The following SIDT2 variants were observed in gnomAD, a reference collection of about 807,000 sequenced individuals.
The protein encoded by SIDT2 is SID1 transmembrane family, member 2.
A neutral mutation model predicts 114.4 loss-of-function variants in SIDT2; 68 were observed. The ratio of observed to expected loss-of-function variants is 0.59; its 90% CI spans 0.49 to 0.73. The LOEUF is 0.73. Among genes scored for constraint, SIDT2 ranks in the 30% least tolerant of loss-of-function variants. The pLI is 0.00. For synonymous variants in SIDT2, 470 were observed against 438.4 expected (o/e 1.07, Z -0.90); for missense variants, 918 against 1,097.1 (o/e 0.84, Z 2.31).
At chr11:117,180,488 T>C (rs1056901764) in intron 1 of SIDT2, among the ~76,000 whole-genome samples, 1 of 152,088 alleles carries the variant, frequency 6.6e-6, no homozygotes, top group African/African-American at 2.4e-5. Flanking sequence ...TCCCATTGTT[T>C]ATATATGTTC....
In SIDT2 at chr11:117,181,885, G is replaced by C; in HGVS notation, c.384G>C (p.Gln128His). 1 of 1,614,210 alleles carries C rather than the reference G, an allele frequency of 6.2e-7. No homozygotes were observed. Among genetic ancestry groups the C allele is most frequent in the Admixed American group, 1.7e-5 (1 of 60,024 alleles). Residue 128 changes from glutamine (Q) to histidine (H), a missense_variant, in exon 3 of 26, where the codon CAG (glutamine) becomes CAC (histidine). By Grantham distance (24) the Gln-to-His change is conservative. Transcript: ENST00000324225. ...CCACCAAGAATGAGTCGGAGATTCA[G>C]TTCTTCTACGTGGATGTGTCCACCC... ...QPPTKNESEI[Q>H]FFYVDVSTLS...
intron 8 of SIDT2, among the ~76,000 whole-genome samples, chr11:117,185,447 G>A (rs879296928): frequency 6.6e-6 from 1 of 152,142 alleles, no homozygotes; most frequent in African/African-American, 2.4e-5. Flanking sequence ...TGGTGGGGGC[G>A]GGGTCCTGTC....
At position 117,192,782 on chromosome 11, in the gene SIDT2, C is replaced by G. The variant is rs763727101; in HGVS notation, c.2059-38C>G. 11 of 1,613,452 alleles carry G rather than the reference C, an allele frequency of 6.8e-6. No individual in the cohort carries two copies. In the South Asian group the frequency reaches 1.2e-4, roughly 18 times the overall value. ...GGGCCTTCTTCCACCACCCTCCCTG[C>G]CCCTGCCCTCAGTCCCTGTGTCCCT... On this transcript the variant is annotated intron_variant, in intron 21 of 25. Coordinates refer to ENST00000324225, the MANE Select transcript of SIDT2 (RefSeq NM_001040455.2). The surrounding 1 kb of genome is among the most constrained non-coding windows in gnomAD (Gnocchi z 5.9).
Position 117,190,285 on chromosome 11 carries a change from C to G in SIDT2, c.1613C>G (p.Ala538Gly). Residue 538 changes from alanine to glycine, a missense_variant, in exon 17 of 26, where the codon GCC becomes GGC. Ala to Gly is a moderately conservative substitution (Grantham distance 60). Transcript: ENST00000324225. The surrounding 1 kb of genome is among the most constrained non-coding windows in gnomAD (Gnocchi z 4.1). ...GCCCTGCTGCGCAATGACCTCTGTG[C>G]CCTGGTAAGGGAGCACCTGCCTGCC... ...NRALLRNDLC[A>G]LECGIPKHFG... The G allele has an allele frequency of 2.0e-6, 3 of 1,537,602 alleles. No homozygotes were observed. Among genetic ancestry groups the G allele is most frequent in the Non-Finnish European group, 2.6e-6 (3 of 1,143,888 alleles).
At chr11:117,187,347 A>G in intron 10 of SIDT2, 31 bp from the exon 11 acceptor site, 1 of 1,604,560 alleles carries the variant, frequency 6.2e-7, no homozygotes, top group Non-Finnish European at 8.5e-7. Context: ...CTCTTCGTCC[A>G]GTGCTAACAG....
At chr11:117,189,454 A>G in intron 15 of SIDT2, 53 bp downstream of exon 15, 3 of 1,579,776 alleles carry the variant, frequency 1.9e-6, no homozygotes, top group South Asian at 2.3e-5. Context: ...ACCGCCCCAA[A>G]GTGCAGAGCC....
At position 117,190,584 on chromosome 11, in the gene SIDT2, C is replaced by A; in HGVS notation, c.1618-39C>A. ...TGGGTCCCTTCTTCCCTTCCTGCCT[C>A]ACTTCCTCCCTCCCTTCCCTTCTCT... On this transcript the variant is annotated intron_variant, in intron 17 of 25. Coordinates refer to ENST00000324225, the MANE Select transcript of SIDT2 (RefSeq NM_001040455.2). The surrounding 1 kb of genome is among the most constrained non-coding windows in gnomAD (Gnocchi z 4.1). 1 of 1,506,430 alleles carries A rather than the reference C, an allele frequency of 6.6e-7. No individual in the cohort carries two copies. The highest frequency in any genetic ancestry group is 9.1e-7 in the Non-Finnish European group (1 of 1,104,916). 93.3% of individuals were successfully genotyped at this position (1,506,430 alleles called of 1,614,324 possible). A position where few individuals can be genotyped will look rare whatever the true frequency, so the allele number is the denominator to read the frequency against.
rs764014001 is a variant in SIDT2, at chr11:117,188,479, G to A, written c.1160-229G>A. On this transcript the variant is annotated intron_variant, in intron 12 of 25. Coordinates refer to ENST00000324225, the MANE Select transcript of SIDT2 (RefSeq NM_001040455.2). This position sits in a 1 kb window ranked among gnomAD's most constrained non-coding sequence, Gnocchi z 4.0. ...GCCAGGAACAGAGCAAAGCTAGAGC[G>A]GCCCCTGTGTGGTGGCCTCTTCTAG... 7.1e-6 allele frequency: 4 copies of A among 565,880 alleles called. No individual in the cohort carries two copies. Among genetic ancestry groups the A allele is most frequent in the Non-Finnish European group, 1.3e-5 (4 of 315,030 alleles). 35.1% of individuals were successfully genotyped at this position (565,880 alleles called of 1,614,324 possible).
chr11:117,182,219 G>A (rs1325848531), intron 4 of SIDT2, 114 bp downstream of exon 4: 1 of 1,223,144 alleles, frequency 8.2e-7, no homozygotes, highest in African/African-American at 1.5e-5. Context: ...TCTCCATGGA[G>A]GGCTCTCTGG....
chr11:117,189,871 GC>G lies in SIDT2; in HGVS notation c.1420-79del, dbSNP rs139551494. On this transcript the variant is annotated intron_variant, in intron 15 of 25. Coordinates refer to ENST00000324225, the MANE Select transcript of SIDT2 (RefSeq NM_001040455.2). The stretch of plus-strand genomic sequence containing the variant: ...GCTGTGGTGGCACTTGCTGTTTTTT[GC>G]CAAAGGGGCCCGGATGGCGGGGCGT... 2.2e-3 allele frequency: 3,176 copies of G among 1,413,638 alleles called. 58 individuals carry two copies. The African/African-American group carries it at 0.041, about 18-fold the overall frequency. 87.6% of individuals were successfully genotyped at this position (1,413,638 alleles called of 1,614,324 possible). A position where few individuals can be genotyped will look rare whatever the true frequency, so the allele number is the denominator to read the frequency against.
At chr11:117,183,664 T>G in intron 6 of SIDT2, 115 bp from the exon 7 acceptor site, 2 of 781,206 alleles carry the variant, frequency 2.6e-6, no homozygotes, top group Non-Finnish European at 2.0e-6. Context: ...CTTGTGAGGA[T>G]TAAGTAAAAT....
intron 15 of SIDT2, 145 bp from the exon 16 acceptor site, chr11:117,189,807 G>A: frequency 1.4e-6 from 1 of 708,540 alleles, no homozygotes; most frequent in Non-Finnish European, 2.5e-6. Flanking sequence ...GTTCTCAGAA[G>A]GAACACGTGC....
intron 24 of SIDT2, among the ~76,000 whole-genome samples, chr11:117,194,817 G>A (rs11606480): frequency 0.12 from 17,967 of 152,082 alleles, 1,644 homozygotes; most frequent in African/African-American, 0.26. Flanking sequence ...GGCTGGGCAC[G>A]GTGGCTCACG....
In SIDT2 at chr11:117,187,095, C is replaced by T. The variant is rs918205259; in HGVS notation, c.1016-283C>T. Reference sequence around the variant, plus strand: ...CTGTCTGGAGGGCTCGTGGGCGGGCCAGTGTTGTCTTTGTTGCTGGTAACT... The same window carrying T: ...CTGTCTGGAGGGCTCGTGGGCGGGCTAGTGTTGTCTTTGTTGCTGGTAACT... On this transcript the variant is annotated intron_variant, in intron 10 of 25. Coordinates refer to ENST00000324225, the MANE Select transcript of SIDT2 (RefSeq NM_001040455.2). 15 of 1,438,982 alleles carry T rather than the reference C, an allele frequency of 1.0e-5. No homozygotes were observed. In the Admixed American group the frequency reaches 3.1e-4, roughly 29 times the overall value. 89.1% of individuals were successfully genotyped at this position (1,438,982 alleles called of 1,614,324 possible).
chr11:117,180,304 C>T (rs2030228565), intron 1 of SIDT2, among the ~76,000 whole-genome samples: 1 of 152,220 alleles, frequency 6.6e-6, no homozygotes, highest in Admixed American at 6.5e-5. Flanking sequence ...GTGCCTGGTT[C>T]TCTGAAGTTT....
At position 117,196,221 on chromosome 11, in the gene SIDT2, A is replaced by G. The variant is rs2030892579; in HGVS notation, c.*155A>G. 1 of 1,007,230 alleles carries G rather than the reference A, an allele frequency of 9.9e-7. No homozygotes were observed. The highest frequency in any genetic ancestry group is 1.6e-5 in the African/African-American group (1 of 62,268). 62.4% of individuals were successfully genotyped at this position (1,007,230 alleles called of 1,614,324 possible). A position where few individuals can be genotyped will look rare whatever the true frequency, so the allele number is the denominator to read the frequency against. ...AGGTCTAGCTTAGGCTTGGCCTGGG[A>G]CAGCCATGGGGTGGCATGGAACCTT... On this transcript the variant is annotated 3_prime_UTR_variant, in exon 26 of 26. Transcript: ENST00000324225. This position sits in a 1 kb window ranked among gnomAD's most constrained non-coding sequence, Gnocchi z 4.9.
chr11:117,183,707 C>T, intron 6 of SIDT2, 72 bp from the exon 7 acceptor site: 2 of 1,098,690 alleles, frequency 1.8e-6, no homozygotes, highest in Non-Finnish European at 2.8e-6. Context: ...AATGTCTGGC[C>T]CCAGAACAAG....
chr11:117,196,118 C>A lies in SIDT2; in HGVS notation c.*52C>A. The A allele has an allele frequency of 6.2e-7, 1 of 1,610,736 alleles. No individual in the cohort carries two copies. Among genetic ancestry groups the A allele is most frequent in the South Asian group, 1.1e-5 (1 of 90,906 alleles). On this transcript the variant is annotated 3_prime_UTR_variant, in exon 26 of 26. Coordinates refer to ENST00000324225, the MANE Select transcript of SIDT2 (RefSeq NM_001040455.2). The surrounding 1 kb of genome is among the most constrained non-coding windows in gnomAD (Gnocchi z 4.9). ...CAAGGGGCCCTGAGCTCCTTTGTGTCATAGACCGGTCACTCTGTCGTGCTG... is the reference window on the plus strand; with the variant it reads ...CAAGGGGCCCTGAGCTCCTTTGTGTAATAGACCGGTCACTCTGTCGTGCTG...
At chr11:117,195,217 C>T (rs535798529) in intron 24 of SIDT2, among the ~76,000 whole-genome samples, 9 of 151,058 alleles carry the variant, frequency 6.0e-5, no homozygotes, top group Admixed American at 5.3e-4. Flanking sequence ...ATTTGGGAGC[C>T]AGGCAGACTG....
Sources: allele counts gnomAD v4.1 joint callset (sites outside exome capture counted in the v4.1 genomes callset), GRCh38; gene constraint gnomAD v4.1.1; non-coding constraint Gnocchi (gnomAD v3.1); transcripts MANE v1.5; gene names NCBI Gene and HGNC (gene_info 2026-07-23, HGNC 2026-07-21).